The following ARHGAP30 variants were observed in gnomAD, a reference collection of about 807,000 sequenced individuals.
ARHGAP30 encodes the protein rho GTPase-activating protein 30.
A neutral mutation model predicts 72.0 loss-of-function variants in ARHGAP30; 23 were observed. The observed-to-expected ratio is 0.32, with a 90% confidence interval of 0.23 to 0.45. The LOEUF is 0.45. Among genes scored for constraint, ARHGAP30 ranks in the 20% least tolerant of loss-of-function variants. The pLI, the probability that ARHGAP30 is intolerant of heterozygous loss-of-function variation, is 1.00. For synonymous variants in ARHGAP30, 576 were observed against 528.2 expected (o/e 1.09, Z -1.24); for missense variants, 1,319 against 1,383.4 (o/e 0.95, Z 0.74).
In ARHGAP30 at chr1:161,048,415, G is replaced by A; in HGVS notation, c.2606C>T (p.Ser869Phe). 1 of 1,614,062 alleles carries A rather than the reference G, an allele frequency of 6.2e-7. No homozygotes were observed. Among genetic ancestry groups the A allele is most frequent in the Non-Finnish European group, 8.5e-7 (1 of 1,180,028 alleles). Residue 869 changes from serine (S) to phenylalanine (F), a missense_variant, in exon 12 of 12, where the codon TCC (serine) becomes TTC (phenylalanine). By Grantham distance (155) the Ser-to-Phe change is radical. Coordinates refer to ENST00000368013, the MANE Select transcript of ARHGAP30 (RefSeq NM_001025598.2). ...CTCTTTGGCACAGTCAACCTCCAGG[G>A]ACGCTACACCTGAACCTTCAGAGAG... ...DTLSEGSGVA[S>F]LEVDCAKEGN...
intron 2 of ARHGAP30, 44 bp from the exon 3 acceptor site, chr1:161,056,576 A>G (rs1371822002): frequency 6.3e-7 from 1 of 1,588,768 alleles, no homozygotes. Flanking sequence ...GGTTGGGGTG[A>G]TGTGGGGAGA....
intron 2 of ARHGAP30, 149 bp from the exon 3 acceptor site, chr1:161,056,681 A>G: frequency 1.2e-6 from 1 of 814,214 alleles, no homozygotes; most frequent in Non-Finnish European, 1.9e-6. Context: ...CATGTAAGCC[A>G]GTAAGTATAA....
chr1:161,048,933 C>G lies in ARHGAP30; in HGVS notation c.2088G>C (p.Gly696=), dbSNP rs1206231234. The change falls in exon 12 of 12, where the codon GGG becomes GGC. Residue 696 remains glycine (G), a synonymous_variant. Transcript: ENST00000368013. ...GKASEDRGEA[G]GSQETKVRLR... ...ATCTGACTTTTGTCTCTTGGCTTCCCCCAGCCTCCCCTCTATCCTCACTGG... is the reference window on the plus strand; with the variant it reads ...ATCTGACTTTTGTCTCTTGGCTTCCGCCAGCCTCCCCTCTATCCTCACTGG... 6.2e-7 allele frequency: 1 copy of G among 1,614,060 alleles called. No individual in the cohort carries two copies. Among genetic ancestry groups the G allele is most frequent in the Non-Finnish European group, 8.5e-7 (1 of 1,180,032 alleles).
intron 1 of ARHGAP30, among the ~76,000 whole-genome samples, chr1:161,067,270 G>C (rs1297021413): frequency 6.6e-6 from 1 of 152,108 alleles, no homozygotes; most frequent in Non-Finnish European, 1.5e-5. Flanking sequence ...AGGGACCTGA[G>C]AATTAGAAAC....
At chr1:161,055,027 A>C (rs1651718566) in intron 3 of ARHGAP30, among the ~76,000 whole-genome samples, 1 of 152,134 alleles carries the variant, frequency 6.6e-6, no homozygotes, top group South Asian at 2.1e-4. Flanking sequence ...CCACAGAGTT[A>C]TTTCAGTGTG....
At position 161,056,482 on chromosome 1, in the gene ARHGAP30, A is replaced by C; in HGVS notation, c.251T>G (p.Leu84Arg). 1 of 1,614,016 alleles carries C rather than the reference A, an allele frequency of 6.2e-7. No homozygotes were observed. Among genetic ancestry groups the C allele is most frequent in the Non-Finnish European group, 8.5e-7 (1 of 1,180,006 alleles). The change falls in exon 3 of 12, where the codon CTC becomes CGC. Residue 84 changes from leucine (L) to arginine (R), a missense_variant. This residue lies in a region of ARHGAP30 where 222 missense variants were observed against 338.2 expected (regional missense o/e 0.66). Transcript: ENST00000368013. ...RKPDLRRDVY[L>R]QDIHCVSSLC... ...GGAGGAGACGCAGTGAATGTCTTGG[A>C]GGTAAACATCCCGACGCAGGTCTGG... is the stretch of plus-strand genomic sequence containing the variant.
At chr1:161,049,367 A>G in intron 11 of ARHGAP30, 33 bp from the exon 12 acceptor site, 1 of 1,602,822 alleles carries the variant, frequency 6.2e-7, no homozygotes, top group Non-Finnish European at 8.5e-7. Flanking sequence ...CAGGACCAGG[A>G]GGCCCTGTCC....
At chr1:161,062,960 A>T (rs1416682108) in intron 1 of ARHGAP30, among the ~76,000 whole-genome samples, 1 of 151,880 alleles carries the variant, frequency 6.6e-6, no homozygotes, top group Non-Finnish European at 1.5e-5. Flanking sequence ...GATTACAGGC[A>T]TGTGCCACCG....
At chr1:161,054,540 G>T (rs1327626009) in intron 4 of ARHGAP30, 67 bp from the exon 5 acceptor site, 1 of 1,599,672 alleles carries the variant, frequency 6.3e-7, no homozygotes, top group South Asian at 1.1e-5. Flanking sequence ...TGGGACCTGG[G>T]AGCAGTAGGA....
intron 1 of ARHGAP30, among the ~76,000 whole-genome samples, chr1:161,060,859 G>T (rs1009842791): frequency 6.6e-6 from 1 of 151,492 alleles, no homozygotes; most frequent in African/African-American, 2.4e-5. Flanking sequence ...CCGCCGCTAC[G>T]TCTCCAGCTA....
intron 1 of ARHGAP30, among the ~76,000 whole-genome samples, chr1:161,060,892 G>C (rs1652266782): frequency 6.6e-6 from 1 of 151,854 alleles, no homozygotes; most frequent in Non-Finnish European, 1.5e-5. Context: ...TTTTAGTAGA[G>C]GCAGGGTTTC....
At chr1:161,065,131 T>C (rs1169309752) in intron 1 of ARHGAP30, among the ~76,000 whole-genome samples, 1 of 152,178 alleles carries the variant, frequency 6.6e-6, no homozygotes, top group Non-Finnish European at 1.5e-5. Context: ...CACGCCACCA[T>C]GCCCTGCTAA....
chr1:161,056,533 C>A lies in ARHGAP30; in HGVS notation c.201-1G>T. On this transcript the variant is annotated splice_acceptor_variant, in intron 2 of 11. Coordinates refer to ENST00000368013, the MANE Select transcript of ARHGAP30 (RefSeq NM_001025598.2). LOFTEE classifies it high-confidence loss of function. ...CTTCCGCTCTGACTCAAATTCCTGC[C>A]TGGGGAGGCGCGGTGTGGTCAGGAG... 6.2e-7 allele frequency: 1 copy of A among 1,612,278 alleles called. No individual in the cohort carries two copies. Among genetic ancestry groups the A allele is most frequent in the Non-Finnish European group, 8.5e-7 (1 of 1,179,750 alleles).
intron 1 of ARHGAP30, among the ~76,000 whole-genome samples, chr1:161,063,659 C>A (rs1362797414): frequency 6.6e-6 from 1 of 152,244 alleles, no homozygotes; most frequent in South Asian, 2.1e-4. Flanking sequence ...TAACCTTAAA[C>A]TCTGACTGCC....
Position 161,052,373 on chromosome 1 carries a change from A to G in ARHGAP30, c.941-10T>C. On this transcript the variant is annotated splice_polypyrimidine_tract_variant and intron_variant, in intron 8 of 11. Transcript: ENST00000368013. ...TTGTTGGATTTATCCTCTGTAAGAC[A>G]GGGATGTGTGTAGAGCCAGGGCCTT... The G allele has an allele frequency of 1.9e-6, 3 of 1,614,056 alleles. No homozygotes were observed. The highest frequency in any genetic ancestry group is 2.5e-6 in the Non-Finnish European group (3 of 1,180,006).
intron 2 of ARHGAP30, 33 bp downstream of exon 2, chr1:161,059,581 G>A: frequency 6.4e-7 from 1 of 1,573,112 alleles, no homozygotes; most frequent in Non-Finnish European, 8.7e-7. Context: ...CTGGCCTCCT[G>A]GTCACAGAGC....
chr1:161,064,831 G>GAAAGAAAAAAAGAAAGAA (rs1231950263), intron 1 of ARHGAP30, among the ~76,000 whole-genome samples: 1 of 73,834 alleles, frequency 1.4e-5, no homozygotes, highest in African/African-American at 7.6e-5. Context: ...AAGAAAGAAA[G>GAAAGAAAAAAAGAAAGAA]AGAAAGAAAG....
intron 1 of ARHGAP30, among the ~76,000 whole-genome samples, chr1:161,068,708 C>T (rs1418963053): frequency 6.6e-6 from 1 of 152,122 alleles, no homozygotes; most frequent in Non-Finnish European, 1.5e-5. Context: ...CTGCTCCATG[C>T]CAGGCCCCGT....
chr1:161,058,360 C>A (rs1048865013), intron 2 of ARHGAP30, among the ~76,000 whole-genome samples: 2 of 151,824 alleles, frequency 1.3e-5, no homozygotes, highest in African/African-American at 2.4e-5. Flanking sequence ...GGCATGGTGG[C>A]TCATGCCTGT....
Sources: allele counts gnomAD v4.1 joint callset (sites outside exome capture counted in the v4.1 genomes callset), GRCh38; gene constraint gnomAD v4.1.1; regional missense constraint gnomAD v4.1.1; transcripts MANE v1.5; gene names NCBI Gene and HGNC (gene_info 2026-07-23, HGNC 2026-07-21).